The following AKAP8 variants were observed in gnomAD, a reference collection of about 807,000 sequenced individuals.
AKAP8 encodes the protein A-kinase anchor protein 8.
Under a neutral mutation model 67.5 loss-of-function variants are expected in AKAP8, and 24 were observed. That is an observed-to-expected ratio of 0.36 (90% confidence interval 0.26 to 0.50). The LOEUF is 0.50. AKAP8 is among the 20% of genes least tolerant of loss of function. The probability of loss-of-function intolerance (pLI) is 0.97; values close to 1 mark genes in which losing one functional copy is unlikely to be tolerated. For synonymous variants in AKAP8, 400 were observed against 371.1 expected, an observed-to-expected ratio of 1.08 and a Z score of -0.90; for missense variants, 971 against 955.9, an observed-to-expected ratio of 1.02 and a Z score of -0.21.
intron 8 of AKAP8, chr19:15,368,907 T>A: frequency 2.0e-6 from 2 of 985,002 alleles, no homozygotes; most frequent in Non-Finnish European, 2.4e-6. Context: ...TGGGAAGCAA[T>A]CCTAGAAAAA....
chr19:15,373,141 C>G lies in AKAP8; in HGVS notation c.571G>C (p.Gly191Arg), dbSNP rs148406708. The change falls in exon 5 of 14, where the codon GGC becomes CGC. Residue 191 changes from glycine (G) to arginine (R), a missense_variant. Physicochemically the swap from Gly to Arg is moderately radical, Grantham distance 125. Around this residue, in one of 3 missense-constraint regions of AKAP8, gnomAD observed 763 missense variants for 745.4 expected, o/e 1.02. Coordinates refer to ENST00000269701, the MANE Select transcript of AKAP8 (RefSeq NM_005858.4). Reference sequence around the variant, plus strand: ...CTCCGGTCCTGGAAGCGGCCCTGGCCCCGGCCCCGCATGAAGCCATCAAGG... The same window carrying G: ...CTCCGGTCCTGGAAGCGGCCCTGGCGCCGGCCCCGCATGAAGCCATCAAGG... ...GSLDGFMRGR[G>R]QGRFQDRSNP... 6 of 1,613,004 alleles carry G rather than the reference C, an allele frequency of 3.7e-6. No homozygotes were observed. In the Admixed American group the frequency reaches 8.3e-5, roughly 22 times the overall value.
intron 9 of AKAP8, among the ~76,000 whole-genome samples, chr19:15,364,808 G>A (rs1298512583): frequency 6.6e-6 from 1 of 151,926 alleles, no homozygotes; most frequent in Non-Finnish European, 1.5e-5. Flanking sequence ...TTCTCGAGAT[G>A]AGATTTCACT....
intron 7 of AKAP8, 46 bp downstream of exon 7, chr19:15,371,906 G>T: frequency 1.2e-6 from 2 of 1,603,164 alleles, no homozygotes; most frequent in African/African-American, 1.3e-5. Context: ...ATTAAAGAAA[G>T]AAGAAATCCC....
At chr19:15,361,895 C>A in intron 10 of AKAP8, 73 bp from the exon 11 acceptor site, 1 of 1,472,034 alleles carries the variant, frequency 6.8e-7, no homozygotes, top group African/African-American at 1.4e-5. Flanking sequence ...ACTGCCAGGG[C>A]TAGGCAGGCA....
chr19:15,368,350 C>T (rs373903604), intron 8 of AKAP8, 28 bp from the exon 9 acceptor site: 143 of 1,612,768 alleles, frequency 8.9e-5, no homozygotes, highest in Non-Finnish European at 1.2e-4. Context: ...CTTCGAGACG[C>T]TCTGAGTGGC....
Position 15,368,309 on chromosome 19 carries a change from G to T in AKAP8, c.1086C>A (p.Asp362Glu). 1 of 1,613,622 alleles carries T rather than the reference G, an allele frequency of 6.2e-7. No individual in the cohort carries two copies. Among genetic ancestry groups the T allele is most frequent in the East Asian group, 2.2e-5 (1 of 44,848 alleles). The change falls in exon 9 of 14, where the codon GAC becomes GAA. Residue 362 changes from aspartate (D) to glutamate (E), a missense_variant. Around this residue, in one of 3 missense-constraint regions of AKAP8, gnomAD observed 763 missense variants for 745.4 expected, o/e 1.02. Coordinates refer to ENST00000269701, the MANE Select transcript of AKAP8 (RefSeq NM_005858.4). ...DSGRQRGEKE[D>E]EDEDVKKRRE... ...TTCTCTTCTTCACATCCTCGTCCTC[G>T]TCCTCCTTCTCTCCTGTAACAGACA...
Position 15,374,039 on chromosome 19 carries a change from C to A in AKAP8, c.118G>T (p.Ala40Ser), listed in dbSNP as rs199886431. The A allele has an allele frequency of 2.7e-5, 43 of 1,577,044 alleles. No individual in the cohort carries two copies. The highest frequency in any genetic ancestry group is 3.6e-5 in the Non-Finnish European group (42 of 1,165,448). Residue 40 changes from alanine (A) to serine (S), a missense_variant, in exon 4 of 14, where the codon GCC (alanine) becomes TCC (serine). Coordinates refer to ENST00000269701, the MANE Select transcript of AKAP8 (RefSeq NM_005858.4). ...CCTGTGGTGACACTGGTGTTCTGGG[C>A]GCCATAGTAATTGTAGTTTTCATAA... ...QGYENYNYYG[A>S]QNTSVTTGAT...
intron 12 of AKAP8, 82 bp from the exon 13 acceptor site, chr19:15,359,144 T>C: frequency 7.8e-7 from 1 of 1,285,508 alleles, no homozygotes; most frequent in Non-Finnish European, 1.1e-6. Context: ...TGCCGAGTCA[T>C]CCTGAGATCA....
At chr19:15,366,770 G>A (rs10460216) in intron 9 of AKAP8, among the ~76,000 whole-genome samples, 121,177 of 151,958 alleles carry the variant, frequency 0.8, 48,537 homozygotes, top group East Asian at 0.99. Flanking sequence ...CCACCATGCC[G>A]GACGAATTTT....
chr19:15,366,435 C>T (rs1967071656), intron 9 of AKAP8, among the ~76,000 whole-genome samples: 1 of 151,938 alleles, frequency 6.6e-6, no homozygotes, highest in African/African-American at 2.4e-5. Context: ...TAAGAAGAAA[C>T]AGTTCTGCGT....
chr19:15,358,292 CAGTT>C (rs1966911258), intron 13 of AKAP8, among the ~76,000 whole-genome samples: 1 of 152,112 alleles, frequency 6.6e-6, no homozygotes, highest in African/African-American at 2.4e-5. Context: ...ACCTCACTGT[CAGTT>C]GGCTCTATCA....
intron 2 of AKAP8, among the ~76,000 whole-genome samples, chr19:15,376,649 A>G (rs184227200): frequency 1.2e-3 from 190 of 152,302 alleles, no homozygotes; most frequent in African/African-American, 4.5e-3. Context: ...CCTCGGATAT[A>G]CCCTCAGCTA....
At chr19:15,377,673 T>A (rs1967277239) in intron 1 of AKAP8, among the ~76,000 whole-genome samples, 1 of 152,190 alleles carries the variant, frequency 6.6e-6, no homozygotes, top group African/African-American at 2.4e-5. Flanking sequence ...TTTCACCATG[T>A]TAGCCAGGAT....
At position 15,369,048 on chromosome 19, in the gene AKAP8, T is replaced by G. The variant is rs1254973483; in HGVS notation, c.1073-726A>C. On this transcript the variant is annotated intron_variant, in intron 8 of 13. Transcript: ENST00000269701. The surrounding 1 kb of genome is among the most constrained non-coding windows in gnomAD (Gnocchi z 4.6). ...ACGCTGAAAAAAGGTTGGAGAAGCA[T>G]CTGAACTGTAACCCCTACCCCTGAT... 1 of 985,662 alleles carries G rather than the reference T, an allele frequency of 1.0e-6. No individual in the cohort carries two copies. The highest frequency in any genetic ancestry group is 1.1e-4 in the East Asian group (1 of 8,796). 61.1% of individuals were successfully genotyped at this position (985,662 alleles called of 1,614,324 possible).
chr19:15,361,755 G>A lies in AKAP8; in HGVS notation c.1370C>T (p.Ala457Val). 6.2e-7 allele frequency: 1 copy of A among 1,613,888 alleles called. No individual in the cohort carries two copies. The highest frequency in any genetic ancestry group is 8.5e-7 in the Non-Finnish European group (1 of 1,179,794). ...TTTGAAAGGATCTGGTTTTGGTTTT[G>A]CGGTTTCTTTCTCCATCAATTCCTG... ...RRQELMEKETAKPKPDPFKGI... is the reference protein window; with the variant it reads ...RRQELMEKETVKPKPDPFKGI... Residue 457 changes from alanine (A) to valine (V), a missense_variant, in exon 11 of 14, where the codon GCA (alanine) becomes GTA (valine). This residue lies in a region of AKAP8 where 763 missense variants were observed against 745.4 expected (regional missense o/e 1.02). Coordinates refer to ENST00000269701, the MANE Select transcript of AKAP8 (RefSeq NM_005858.4).
chr19:15,374,111 C>G, intron 3 of AKAP8, 46 bp from the exon 4 acceptor site: 1 of 1,522,422 alleles, frequency 6.6e-7, no homozygotes, highest in Non-Finnish European at 8.8e-7. Flanking sequence ...AGCCACGAGG[C>G]CTGTCCATGG....
intron 13 of AKAP8, among the ~76,000 whole-genome samples, chr19:15,356,262 G>A (rs2048277713): frequency 6.6e-6 from 1 of 151,610 alleles, no homozygotes; most frequent in African/African-American, 2.4e-5. Flanking sequence ...AAAATTAGCC[G>A]GGCATGGTGG....
intron 11 of AKAP8, among the ~76,000 whole-genome samples, chr19:15,361,271 T>TCTTA (rs74538417): frequency 3.3e-5 from 5 of 151,378 alleles, no homozygotes; most frequent in Non-Finnish European, 5.9e-5. Flanking sequence ...TCCGAAGGTT[T>TCTTA]CTTTCCATTG....
In AKAP8 at chr19:15,358,982, C is replaced by T. The variant is rs148105814; in HGVS notation, c.1608G>A (p.Leu536=). The T allele has an allele frequency of 5.6e-5, 90 of 1,614,014 alleles. No homozygotes were observed. The highest frequency in any genetic ancestry group is 7.5e-5 in the Non-Finnish European group (89 of 1,180,016). The change falls in exon 13 of 14, where the codon CTG becomes CTA. Residue 536 remains leucine, a synonymous_variant. Coordinates refer to ENST00000269701, the MANE Select transcript of AKAP8 (RefSeq NM_005858.4). ...VLNNRHIVKM[L]EKYLKGEDPF... is the part of the protein sequence containing the mutation. Reference sequence around the variant, plus strand: ...AAGCACAAACCTTGAGGTATTTTTCCAGCATCTTCACTATATGTCTGTTGT... The same window carrying T: ...AAGCACAAACCTTGAGGTATTTTTCTAGCATCTTCACTATATGTCTGTTGT...
Sources: gnomAD v4.1 joint callset for allele counts (sites outside exome capture counted in the v4.1 genomes callset) on GRCh38, gnomAD v4.1.1 for gene constraint, gnomAD v4.1.1 regional missense constraint, Gnocchi (gnomAD v3.1) non-coding constraint, MANE v1.5 for transcripts, NCBI Gene and HGNC (gene_info 2026-07-23, HGNC 2026-07-21) for gene names.